Variants in FCHSD2 observed in about 807,000 individuals in gnomAD.
FCHSD2 encodes the protein FCH and double SH3 domains 2, also known as F-BAR and double SH3 domains protein 2.
In FCHSD2, 38 loss-of-function variants were observed where a neutral mutation model predicts 108.1. The observed-to-expected ratio is 0.35, with a 90% CI of 0.27 to 0.46. The LOEUF (loss-of-function observed/expected upper bound fraction) is 0.46, where lower values mean the gene tolerates loss of function less well. Among genes scored for constraint, FCHSD2 ranks in the 20% least tolerant of loss-of-function variants. FCHSD2 has a pLI of 1.00. For missense variants in FCHSD2, 751 were observed against 897.8 expected, an observed-to-expected ratio of 0.84 and a Z score of 2.09; for synonymous variants, 279 against 314.7, an observed-to-expected ratio of 0.89 and a Z score of 1.20.
chr11:72,855,272 C>T (rs1027324951), intron 13 of FCHSD2, among the ~76,000 whole-genome samples: 2 of 150,744 alleles, frequency 1.3e-5, no homozygotes, highest in African/African-American at 4.9e-5. Flanking sequence ...AGCAAAACTC[C>T]GTCTCAAAAA....
rs1030297693 is a variant in FCHSD2 at position 73,129,488 on chromosome 11, T to C, written c.119+10543A>G. Reference sequence around the variant, plus strand: ...TCATGGCACGAACCCTATTGTGAACTGCACATGCAAGGGATCTAGGTTGCA... The same window carrying C: ...TCATGGCACGAACCCTATTGTGAACCGCACATGCAAGGGATCTAGGTTGCA... On this transcript the variant is annotated intron_variant, in intron 2 of 19. Transcript: ENST00000409418. Among the ~76,000 whole-genome samples, 23 of 152,290 alleles carry C rather than the reference T, an allele frequency of 1.5e-4. 1 individual carries two copies. The highest frequency in any genetic ancestry group is 5.3e-4 in the African/African-American group (22 of 41,554).
intron 13 of FCHSD2, among the ~76,000 whole-genome samples, chr11:72,851,999 C>T (rs1861301503): frequency 6.6e-6 from 1 of 151,566 alleles, no homozygotes; most frequent in Non-Finnish European, 1.5e-5. Flanking sequence ...GCCTCAGCCT[C>T]CCAAATAGAT....
chr11:73,063,641 TA>T (rs778913713), intron 3 of FCHSD2, among the ~76,000 whole-genome samples: 114 of 152,188 alleles, frequency 7.5e-4, no homozygotes, highest in Non-Finnish European at 1.4e-3. Context: ...GTTGCAATCC[TA>T]ATCTCTGATA....
In FCHSD2 at chr11:72,977,341, C is replaced by T. The variant is rs184579057; in HGVS notation, c.705+6747G>A. Among the ~76,000 whole-genome samples the T allele has an allele frequency of 3.3e-5, 5 of 152,246 alleles. No homozygotes were observed. In the East Asian group the frequency reaches 5.8e-4, roughly 18 times the overall value. On this transcript the variant is annotated intron_variant, in intron 8 of 19. Transcript: ENST00000409418. ...AAGCAAAAATGGACAAATGGGATCA[C>T]ATCAAGTTAAAAAACTTCTGCACAG...
rs759499505 is a variant in FCHSD2 at position 72,984,175 on chromosome 11, G to A, written c.618C>T (p.His206=). The A allele has an allele frequency of 1.2e-4, 192 of 1,613,316 alleles. No individual in the cohort carries two copies. The East Asian group carries it at 4.1e-3, about 34-fold the overall frequency. The change falls in exon 8 of 20, where the codon CAC becomes CAT. Residue 206 remains histidine, a synonymous_variant. Transcript: ENST00000409418. ...GGGTAAGAAGATAATCATTCCTTGC[G>A]TGGGTAGCTTTGGAATTACACTCAG... The part of the protein sequence containing the change: ...RRSECNSKAT[H]ARNDYLLTLA...
chr11:73,141,015 C>A (rs1861233819), intron 1 of FCHSD2, among the ~76,000 whole-genome samples: 1 of 152,180 alleles, frequency 6.6e-6, no homozygotes, highest in Non-Finnish European at 1.5e-5. Flanking sequence ...TGTTTGCCCA[C>A]GAGGGGAGGA....
At chr11:73,109,659 G>T (rs1860435036) in intron 2 of FCHSD2, among the ~76,000 whole-genome samples, 1 of 152,102 alleles carries the variant, frequency 6.6e-6, no homozygotes, top group Non-Finnish European at 1.5e-5. Flanking sequence ...AGCATAATTT[G>T]ACTTTTTCCC....
intron 2 of FCHSD2, among the ~76,000 whole-genome samples, chr11:73,135,965 C>A (rs540005083): frequency 6.6e-6 from 1 of 151,942 alleles, no homozygotes; most frequent in Non-Finnish European, 1.5e-5. Context: ...GAGTTCAAGA[C>A]GAGCCTGGGC....
intron 2 of FCHSD2, among the ~76,000 whole-genome samples, chr11:73,091,251 G>A (rs1016845730): frequency 3.9e-5 from 6 of 152,092 alleles, no homozygotes; most frequent in African/African-American, 4.8e-5. Context: ...GTAAAGACAC[G>A]TTTTAGACCA....
chr11:73,093,734 TG>T (rs1455674740), intron 2 of FCHSD2, among the ~76,000 whole-genome samples: 8 of 152,074 alleles, frequency 5.3e-5, no homozygotes, highest in Non-Finnish European at 4.4e-5. Flanking sequence ...CCCAAGTAGC[TG>T]GGATTACAGG....
At chr11:73,028,275 G>A (rs559696351) in intron 3 of FCHSD2, among the ~76,000 whole-genome samples, 1 of 152,336 alleles carries the variant, frequency 6.6e-6, no homozygotes, top group Non-Finnish European at 1.5e-5. Flanking sequence ...GGCCTTGGGA[G>A]CCCACATCTT....
intron 13 of FCHSD2, among the ~76,000 whole-genome samples, chr11:72,865,889 T>A (rs973507987): frequency 1.3e-5 from 2 of 152,212 alleles, no homozygotes; most frequent in Non-Finnish European, 2.9e-5. Flanking sequence ...CACTGCCATG[T>A]ATCATTAAGA....
intron 8 of FCHSD2, 67 bp downstream of exon 8, chr11:72,984,021 A>G: frequency 7.5e-7 from 1 of 1,330,286 alleles, no homozygotes; most frequent in Non-Finnish European, 1.1e-6. Context: ...CATAAACCCA[A>G]CACCCAACTT....
intron 6 of FCHSD2, among the ~76,000 whole-genome samples, chr11:72,987,616 G>C (rs1287548708): frequency 6.6e-6 from 1 of 152,128 alleles, no homozygotes; most frequent in Non-Finnish European, 1.5e-5. Flanking sequence ...TCTGAATTTG[G>C]GTCATGTTAG....
intron 12 of FCHSD2, among the ~76,000 whole-genome samples, chr11:72,874,512 T>C (rs1854926931): frequency 6.6e-6 from 1 of 152,232 alleles, no homozygotes; most frequent in South Asian, 2.1e-4. Context: ...TTTAAAACAA[T>C]GAAATGTTTT....
At chr11:72,929,817 T>C (rs569001228) in intron 8 of FCHSD2, among the ~76,000 whole-genome samples, 15 of 152,234 alleles carry the variant, frequency 9.9e-5, no homozygotes, top group Admixed American at 2.6e-4. Context: ...AAACCATTTA[T>C]ATACATGTCA....
At chr11:72,988,159 T>G (rs1857345086) in intron 6 of FCHSD2, among the ~76,000 whole-genome samples, 1 of 152,326 alleles carries the variant, frequency 6.6e-6, no homozygotes, top group East Asian at 1.9e-4. Context: ...GCCTTTCTGA[T>G]ATTATGATTA....
chr11:73,014,398 G>A (rs1267602884), intron 4 of FCHSD2, among the ~76,000 whole-genome samples: 1 of 151,988 alleles, frequency 6.6e-6, no homozygotes, highest in Non-Finnish European at 1.5e-5. Context: ...CAAAGTGCTA[G>A]GATTACAGGC....
At chr11:72,851,242 T>C (rs1861280720) in intron 13 of FCHSD2, among the ~76,000 whole-genome samples, 1 of 150,974 alleles carries the variant, frequency 6.6e-6, no homozygotes, top group Admixed American at 6.6e-5. Context: ...AAACTAAACA[T>C]ACCATTGATC....
Sources: allele counts gnomAD v4.1 joint callset (sites outside exome capture counted in the v4.1 genomes callset), GRCh38; gene constraint gnomAD v4.1.1; transcripts MANE v1.5; gene names NCBI Gene and HGNC (gene_info 2026-07-23, HGNC 2026-07-21).